Variants in ETV1 observed in about 807,000 individuals in gnomAD.
ETV1 encodes ETS translocation variant 1.
A neutral mutation model predicts 62.3 loss-of-function variants in ETV1; 27 were observed. That is an observed-to-expected ratio of 0.43 (90% confidence interval 0.32 to 0.60). The LOEUF (loss-of-function observed/expected upper bound fraction) is 0.60, where lower values mean the gene tolerates loss of function less well. Among genes scored for constraint, ETV1 ranks in the 20% least tolerant of loss-of-function variants. The pLI, the probability that ETV1 is intolerant of heterozygous loss-of-function variation, is 0.06. For missense variants in ETV1, 605 were observed against 605.8 expected (o/e 1.00, Z 0.01); for synonymous variants, 222 against 199.6 (o/e 1.11, Z -0.94).
At chr7:13,898,073 T>C (rs1457326844) in intron 13 of ETV1, among the ~76,000 whole-genome samples, 1 of 152,220 alleles carries the variant, frequency 6.6e-6, no homozygotes, top group African/African-American at 2.4e-5. Flanking sequence ...AATAAACATT[T>C]TTAGGGCTAC....
At position 13,894,090 on chromosome 7, in the gene ETV1, C is replaced by T. The variant is rs528944529; in HGVS notation, c.*1776G>A. The stretch of plus-strand genomic sequence containing the variant: ...GGTAGCTGGGGGGATCATCTTTAAA[C>T]AATCTTTTTCATGCTCATCACGAAA... On this transcript the variant is annotated 3_prime_UTR_variant, in exon 14 of 14. Coordinates refer to ENST00000430479, the MANE Select transcript of ETV1 (RefSeq NM_004956.5). The T allele has an allele frequency of 1.3e-5, 3 of 232,092 alleles. No homozygotes were observed. Among genetic ancestry groups the T allele is most frequent in the South Asian group, 3.6e-4 (2 of 5,490 alleles). 14.4% of individuals were successfully genotyped at this position (232,092 alleles called of 1,614,324 possible).
chr7:13,930,632 C>T (rs937842333), intron 9 of ETV1, among the ~76,000 whole-genome samples: 3 of 150,994 alleles, frequency 2.0e-5, no homozygotes, highest in Non-Finnish European at 4.4e-5. Flanking sequence ...GATTTTAAAC[C>T]CTCCCTCCTT....
upstream of ETV1, chr7:13,990,684 G>C (rs1782962724): frequency 1.3e-5 from 2 of 152,218 alleles, no homozygotes; most frequent in Non-Finnish European, 2.9e-5. Flanking sequence ...CATCTCTGAA[G>C]CCACTTGCCC....
At chr7:13,906,192 C>T in intron 12 of ETV1, 1 of 355,062 alleles carries the variant, frequency 2.8e-6, no homozygotes, top group Non-Finnish European at 5.0e-6. Flanking sequence ...GCAAAGCATG[C>T]TCTGGTTAAT....
intron 6 of ETV1, among the ~76,000 whole-genome samples, chr7:13,942,627 C>T (rs902895810): frequency 6.6e-6 from 1 of 152,096 alleles, no homozygotes; most frequent in African/African-American, 2.4e-5. Flanking sequence ...TCATCTAGCT[C>T]CTACTTATAA....
rs150465248 is a variant in ETV1, at chr7:13,963,394, A to C, written c.235+14033T>G. Among the ~76,000 whole-genome samples, 230 of 152,202 alleles carry C rather than the reference A, an allele frequency of 1.5e-3. 2 individuals carry two copies. The highest frequency in any genetic ancestry group is 5.3e-3 in the African/African-American group (221 of 41,548). Reference sequence around the variant, plus strand: ...AAGAGTCTAAAACTGCTATTCCCTTAACTATTATAAATAATATGAAAATAA... The same window carrying C: ...AAGAGTCTAAAACTGCTATTCCCTTCACTATTATAAATAATATGAAAATAA... On this transcript the variant is annotated intron_variant, in intron 6 of 13. Transcript: ENST00000430479.
chr7:13,939,203 G>C lies in ETV1; in HGVS notation c.279C>G (p.His93Gln). 1 of 1,611,040 alleles carries C rather than the reference G, an allele frequency of 6.2e-7. No homozygotes were observed. Among genetic ancestry groups the C allele is most frequent in the South Asian group, 1.1e-5 (1 of 89,994 alleles). The change falls in exon 7 of 14, where the codon CAC becomes CAG. Residue 93 changes from histidine to glutamine, a missense_variant. By Grantham distance (24) the His-to-Gln change is conservative. This residue lies in a region of ETV1 where 426 missense variants were observed against 377.8 expected (regional missense o/e 1.13). Transcript: ENST00000430479. ...GLPLKIKKEPHSPCSEISSAC... is the reference protein window; with the variant it reads ...GLPLKIKKEPQSPCSEISSAC... ...CAGAGCTGATTTCTGAACATGGACTGTGGGGTTCTTTCTTGATTTTCAGTG... is the reference window on the plus strand; with the variant it reads ...CAGAGCTGATTTCTGAACATGGACTCTGGGGTTCTTTCTTGATTTTCAGTG...
intron 9 of ETV1, among the ~76,000 whole-genome samples, chr7:13,916,190 G>A (rs1053005774): frequency 2.0e-5 from 3 of 152,178 alleles, no homozygotes; most frequent in Admixed American, 1.3e-4. Flanking sequence ...AGTAAACTGT[G>A]AATATAAATA....
intron 9 of ETV1, among the ~76,000 whole-genome samples, chr7:13,925,758 C>A (rs957913518): frequency 2.6e-5 from 4 of 151,634 alleles, no homozygotes; most frequent in Admixed American, 6.6e-5. Context: ...TTAGTAGAGA[C>A]GGGGTTTCAC....
chr7:13,893,958 A>G lies in ETV1; in HGVS notation c.*1908T>C. On this transcript the variant is annotated 3_prime_UTR_variant, in exon 14 of 14. Coordinates refer to ENST00000430479, the MANE Select transcript of ETV1 (RefSeq NM_004956.5). ...TACATACATATTTTGAAATTGGAGT[A>G]CTTTTTGTAGGATTAAATGTGAAGA... 1 of 233,156 alleles carries G rather than the reference A, an allele frequency of 4.3e-6. No homozygotes were observed. Among genetic ancestry groups the G allele is most frequent in the Non-Finnish European group, 8.5e-6 (1 of 117,812 alleles). 14.4% of individuals were successfully genotyped at this position (233,156 alleles called of 1,614,324 possible).
intron 5 of ETV1, among the ~76,000 whole-genome samples, chr7:13,982,527 C>G (rs1359486382): frequency 2.0e-5 from 3 of 151,848 alleles, no homozygotes; most frequent in African/African-American, 7.2e-5. Context: ...TATACTTTAT[C>G]TGCTGTCTTT....
chr7:13,952,712 G>T (rs2128473755), intron 6 of ETV1, among the ~76,000 whole-genome samples: 1 of 152,242 alleles, frequency 6.6e-6, no homozygotes, highest in Non-Finnish European at 1.5e-5. Context: ...ATTTCAGTAG[G>T]AAATGTGGGA....
chr7:13,961,275 T>C (rs915611190), intron 6 of ETV1, among the ~76,000 whole-genome samples: 3 of 152,204 alleles, frequency 2.0e-5, no homozygotes, highest in South Asian at 2.1e-4. Context: ...TAATAATTGA[T>C]TGATTGGAAA....
At chr7:13,917,700 C>T (rs549663666) in intron 9 of ETV1, among the ~76,000 whole-genome samples, 58 of 151,986 alleles carry the variant, frequency 3.8e-4, no homozygotes, top group Non-Finnish European at 6.0e-4. Flanking sequence ...CGCGGTGGCT[C>T]ACGCCTGTAA....
chr7:13,947,327 C>G (rs1788278748), intron 6 of ETV1, among the ~76,000 whole-genome samples: 1 of 143,744 alleles, frequency 7.0e-6, no homozygotes, highest in Non-Finnish European at 1.5e-5. Context: ...ACTTAACAAA[C>G]TGGTTGAGTT....
intron 6 of ETV1, among the ~76,000 whole-genome samples, chr7:13,958,359 C>A (rs747232431): frequency 8.5e-5 from 13 of 152,286 alleles, no homozygotes; most frequent in Admixed American, 8.5e-4. Flanking sequence ...AAACTTCATT[C>A]CCATTGCTAT....
At position 13,906,588 on chromosome 7, in the gene ETV1, G is replaced by A; in HGVS notation, c.952C>T (p.Gln318Ter). ...VPEKFDGDIK[Q>*]EPGMYREGPT... ...CCTTCCCGATACATTCCTGGCTCTT[G>A]TTTGATGTCTCCTAAATTAAAACAT... The change falls in exon 12 of 14, where the codon CAA (glutamine) becomes TAA (stop). Residue 318 changes from glutamine (Q) to a stop codon, truncating the protein, a stop_gained. Coordinates refer to ENST00000430479, the MANE Select transcript of ETV1 (RefSeq NM_004956.5). LOFTEE classifies it high-confidence loss of function. 6.2e-7 allele frequency: 1 copy of A among 1,603,960 alleles called. No individual in the cohort carries two copies. Among genetic ancestry groups the A allele is most frequent in the Non-Finnish European group, 8.5e-7 (1 of 1,176,042 alleles).
chr7:13,983,432 T>C (rs1782199578), intron 5 of ETV1, among the ~76,000 whole-genome samples: 1 of 151,978 alleles, frequency 6.6e-6, no homozygotes. Flanking sequence ...TTGTTAAGAA[T>C]AAGACATCAC....
chr7:13,988,564 CAA>C (rs11364123), intron 3 of ETV1: 1,036 of 387,572 alleles, frequency 2.7e-3, no homozygotes, highest in Admixed American at 6.3e-3. Context: ...CCCACCCCCA[CAA>C]AAAAAAAAAG....
Sources: gnomAD v4.1 joint callset for allele counts (sites outside exome capture counted in the v4.1 genomes callset) on GRCh38, gnomAD v4.1.1 for gene constraint, gnomAD v4.1.1 regional missense constraint, MANE v1.5 for transcripts, NCBI Gene and HGNC (gene_info 2026-07-23, HGNC 2026-07-21) for gene names.